The following SLC25A28 variants were observed in gnomAD, a reference collection of about 807,000 sequenced individuals.
The protein encoded by SLC25A28 is mitoferrin-2.
A neutral mutation model predicts 31.9 loss-of-function variants in SLC25A28; 10 were observed. The ratio of observed to expected loss-of-function variants is 0.31; its 90% CI spans 0.19 to 0.53. The LOEUF (loss-of-function observed/expected upper bound fraction) is 0.53, where lower values mean the gene tolerates loss of function less well. SLC25A28 is among the 20% of genes least tolerant of loss of function. The pLI, the probability that SLC25A28 is intolerant of heterozygous loss-of-function variation, is 0.95. For missense variants in SLC25A28, 256 were observed against 490.3 expected, an observed-to-expected ratio of 0.52 and a Z score of 4.51; for synonymous variants, 208 against 203.6, an observed-to-expected ratio of 1.02 and a Z score of -0.19.
chr10:99,616,456 CTA>C (rs2034657504), intron 1 of SLC25A28: 9 of 981,070 alleles, frequency 9.2e-6, no homozygotes, highest in Non-Finnish European at 1.1e-5. Context: ...CAAAATGATT[CTA>C]TATTTGTTCA....
the SLC25A28 span, among the ~76,000 whole-genome samples, chr10:99,644,094 G>T: frequency 6.6e-6 from 1 of 152,180 alleles, no homozygotes; most frequent in African/African-American, 2.4e-5. Flanking sequence ...GCTTGGTGCA[G>T]AGCTGAGTTC....
chr10:99,618,941 C>T (rs2034721619), intron 1 of SLC25A28: 1 of 985,308 alleles, frequency 1.0e-6, no homozygotes. Context: ...GCTGCCAGGT[C>T]ACTGTTTGAC....
chr10:99,654,114 T>C, the SLC25A28 span, among the ~76,000 whole-genome samples: 1 of 152,198 alleles, frequency 6.6e-6, no homozygotes, highest in African/African-American at 2.4e-5. Context: ...TAATCAATTC[T>C]GAGAACTTTA....
the SLC25A28 span, among the ~76,000 whole-genome samples, chr10:99,628,721 T>C: frequency 6.6e-6 from 1 of 152,168 alleles, no homozygotes; most frequent in Non-Finnish European, 1.5e-5. Flanking sequence ...CTCAGGAGGC[T>C]GAGGCAGAAG....
At chr10:99,623,663 G>A (rs1181201018), upstream of SLC25A28, among the ~76,000 whole-genome samples, 2 of 152,156 alleles carry the variant, frequency 1.3e-5, no homozygotes. Flanking sequence ...CCACCTCCTT[G>A]AAGATAGGCA....
At chr10:99,641,007 G>A in the SLC25A28 span, among the ~76,000 whole-genome samples, 2 of 152,276 alleles carry the variant, frequency 1.3e-5, no homozygotes, top group Admixed American at 1.3e-4. Context: ...GCTATTGTGA[G>A]TAGTGCTGCA....
At chr10:99,658,504 T>C in the SLC25A28 span, among the ~76,000 whole-genome samples, 1 of 151,970 alleles carries the variant, frequency 6.6e-6, no homozygotes, top group Non-Finnish European at 1.5e-5. Context: ...AGTGAAACAA[T>C]AGGCATGTAT....
chr10:99,639,257 T>C, the SLC25A28 span, among the ~76,000 whole-genome samples: 1 of 152,012 alleles, frequency 6.6e-6, no homozygotes, highest in African/African-American at 2.4e-5. Flanking sequence ...ACATTGTATC[T>C]TCTCACCGAT....
At chr10:99,639,226 A>C in the SLC25A28 span, among the ~76,000 whole-genome samples, 2 of 152,068 alleles carry the variant, frequency 1.3e-5, no homozygotes, top group African/African-American at 4.8e-5. Context: ...AAGTGAGGGT[A>C]ACTCAGGAAT....
chr10:99,634,616 T>G, the SLC25A28 span, among the ~76,000 whole-genome samples: 1 of 152,132 alleles, frequency 6.6e-6, no homozygotes. Flanking sequence ...TAAGAAAATA[T>G]GAACAAAACC....
chr10:99,612,506 C>T (rs1330287358), intron 3 of SLC25A28, 37 bp downstream of exon 3: 5 of 1,607,540 alleles, frequency 3.1e-6, no homozygotes. Flanking sequence ...AATACAGGTG[C>T]AGCTGCCCAC....
At chr10:99,627,853 T>C in the SLC25A28 span, among the ~76,000 whole-genome samples, 1 of 138,768 alleles carries the variant, frequency 7.2e-6, no homozygotes, top group South Asian at 2.5e-4. Flanking sequence ...TTGGACCTAT[T>C]AACAATTCTT....
At chr10:99,657,438 A>G in the SLC25A28 span, among the ~76,000 whole-genome samples, 2 of 152,142 alleles carry the variant, frequency 1.3e-5, no homozygotes, top group Non-Finnish European at 1.5e-5. Flanking sequence ...ATTCTATTCA[A>G]TGTGGTTTCT....
At chr10:99,652,964 G>T in the SLC25A28 span, among the ~76,000 whole-genome samples, 1 of 152,152 alleles carries the variant, frequency 6.6e-6, no homozygotes, top group Non-Finnish European at 1.5e-5. Flanking sequence ...TCCCGAAGAG[G>T]ATTATAACAT....
the SLC25A28 span, among the ~76,000 whole-genome samples, chr10:99,658,323 T>TC: frequency 9.2e-5 from 14 of 151,976 alleles, no homozygotes; most frequent in African/African-American, 3.1e-4. Context: ...TCCTCCCCGA[T>TC]CCCCCCCATT....
chr10:99,648,686 G>GTTTTTTT, the SLC25A28 span, among the ~76,000 whole-genome samples: 1 of 119,806 alleles, frequency 8.3e-6, no homozygotes. Flanking sequence ...ATATTCCTAG[G>GTTTTTTT]TTTTTTTTTT....
rs368400745 is a variant in SLC25A28, at chr10:99,611,384, G to A, written c.578-18C>T. On this transcript the variant is annotated intron_variant, in intron 3 of 3. Coordinates refer to ENST00000370495, the MANE Select transcript of SLC25A28 (RefSeq NM_031212.4). This position sits in a 1 kb window ranked among gnomAD's most constrained non-coding sequence, Gnocchi z 5.5. ...CTTGACCACTAGTAGTGCCATCAAC[G>A]AGGAAGGAAATGGTGACAGCAGCCA... is the stretch of plus-strand genomic sequence containing the variant. 60 of 1,610,934 alleles carry A rather than the reference G, an allele frequency of 3.7e-5. No homozygotes were observed. The highest frequency in any genetic ancestry group is 2.5e-4 in the African/African-American group (19 of 74,824).
At chr10:99,658,666 C>T in the SLC25A28 span, among the ~76,000 whole-genome samples, 84 of 152,222 alleles carry the variant, frequency 5.5e-4, no homozygotes, top group Middle Eastern at 3.4e-3. Context: ...GGACGCGTTG[C>T]TGGAGCGTGG....
chr10:99,633,131 A>G, the SLC25A28 span, among the ~76,000 whole-genome samples: 2 of 151,704 alleles, frequency 1.3e-5, no homozygotes, highest in African/African-American at 4.8e-5. Context: ...TGGACACAAC[A>G]TTTTCATTTA....
Sources: allele counts gnomAD v4.1 joint callset (sites outside exome capture counted in the v4.1 genomes callset), GRCh38; gene constraint gnomAD v4.1.1; non-coding constraint Gnocchi (gnomAD v3.1); transcripts MANE v1.5; gene names NCBI Gene and HGNC (gene_info 2026-07-23, HGNC 2026-07-21).